The following DPYD variants were observed in gnomAD, a reference collection of about 807,000 sequenced individuals.
DPYD encodes dihydropyrimidine dehydrogenase [NADP(+)].
A neutral mutation model predicts 116.2 loss-of-function variants in DPYD; 109 were observed. That is an observed-to-expected ratio of 0.94 (90% confidence interval 0.80 to 1.10). The LOEUF (loss-of-function observed/expected upper bound fraction) is 1.10. Among genes scored for constraint, DPYD ranks in the 50% least tolerant of loss-of-function variants. The pLI, the probability that DPYD is intolerant of heterozygous loss-of-function variation, is 0.00. For missense variants in DPYD, 1,302 were observed against 1,254.5 expected (o/e 1.04, Z -0.57); for synonymous variants, 440 against 432.0 (o/e 1.02, Z -0.23).
chr1:97,902,029 GC>G (rs1235279488), intron 1 of DPYD, among the ~76,000 whole-genome samples: 1 of 151,644 alleles, frequency 6.6e-6, no homozygotes, highest in African/African-American at 2.4e-5. Flanking sequence ...CTGCTTATAT[GC>G]CTGTCTGCCC....
At chr1:97,853,768 C>G (rs1670678032) in intron 2 of DPYD, among the ~76,000 whole-genome samples, 1 of 152,156 alleles carries the variant, frequency 6.6e-6, no homozygotes, top group South Asian at 2.1e-4. Context: ...AGTGACTTGT[C>G]TAAGATTGCG....
intron 20 of DPYD, among the ~76,000 whole-genome samples, chr1:97,145,771 G>T (rs1424040552): frequency 1.5e-5 from 2 of 136,126 alleles, no homozygotes; most frequent in Middle Eastern, 3.6e-3. Flanking sequence ...GGCATTGTTT[G>T]ACTTTTTTTT....
At chr1:97,592,981 T>C (rs1654623712) in intron 10 of DPYD, among the ~76,000 whole-genome samples, 2 of 152,208 alleles carry the variant, frequency 1.3e-5, no homozygotes, top group Admixed American at 6.5e-5. Flanking sequence ...ATATTAACAC[T>C]AACAAGAAGC....
chr1:97,239,814 T>C (rs1662204968), intron 18 of DPYD, among the ~76,000 whole-genome samples: 1 of 152,076 alleles, frequency 6.6e-6, no homozygotes, highest in South Asian at 2.1e-4. Flanking sequence ...ATCTCAATTT[T>C]GTCATCTATA....
intron 20 of DPYD, among the ~76,000 whole-genome samples, chr1:97,179,200 G>A (rs1266673709): frequency 6.6e-6 from 1 of 152,054 alleles, no homozygotes; most frequent in Non-Finnish European, 1.5e-5. Flanking sequence ...GCCTTACTCT[G>A]TATCTCAATA....
intron 16 of DPYD, among the ~76,000 whole-genome samples, chr1:97,337,284 AAGG>A (rs1669342582): frequency 1.3e-5 from 2 of 152,314 alleles, no homozygotes; most frequent in African/African-American, 4.8e-5. Context: ...TTGTCTCCGA[AAGG>A]AGAAGTTCTT....
At chr1:97,180,714 A>C (rs1043941187) in intron 20 of DPYD, among the ~76,000 whole-genome samples, 1 of 152,164 alleles carries the variant, frequency 6.6e-6, no homozygotes, top group Admixed American at 6.6e-5. Context: ...TATATAATTA[A>C]ATAAGGTGCA....
intron 18 of DPYD, among the ~76,000 whole-genome samples, chr1:97,244,822 A>G (rs2100786250): frequency 6.6e-6 from 1 of 152,174 alleles, no homozygotes; most frequent in South Asian, 2.1e-4. Context: ...GAGGAAACGC[A>G]CAAATGGTTT....
chr1:97,313,497 C>CTG (rs58100703), intron 16 of DPYD, among the ~76,000 whole-genome samples: 14,998 of 148,222 alleles, frequency 0.1, 1,097 homozygotes, highest in African/African-American at 0.22. Context: ...ACATGTGTGC[C>CTG]TGTGTGTGTG....
At chr1:97,170,446 A>T (rs1487094123) in intron 20 of DPYD, among the ~76,000 whole-genome samples, 2 of 152,126 alleles carry the variant, frequency 1.3e-5, no homozygotes, top group Non-Finnish European at 2.9e-5. Flanking sequence ...GACTGAAGAG[A>T]CACAGAAGGC....
intron 18 of DPYD, among the ~76,000 whole-genome samples, chr1:97,237,171 G>A (rs1006594047): frequency 3.4e-5 from 5 of 149,026 alleles, no homozygotes; most frequent in African/African-American, 1.2e-4. Flanking sequence ...AACCCAGGAG[G>A]TGGAGGCTGC....
chr1:97,361,092 A>T (rs749998621), intron 16 of DPYD, among the ~76,000 whole-genome samples: 1 of 152,206 alleles, frequency 6.6e-6, no homozygotes, highest in Non-Finnish European at 1.5e-5. Context: ...AGAAGAATCA[A>T]ATAGACACAA....
intron 20 of DPYD, among the ~76,000 whole-genome samples, chr1:97,167,415 A>C (rs745659380): frequency 1.3e-5 from 2 of 152,156 alleles, no homozygotes; most frequent in Non-Finnish European, 2.9e-5. Context: ...TCAGTAAGCA[A>C]CTAATGAAAA....
At chr1:97,585,879 T>C (rs1467534908) in intron 10 of DPYD, 8 of 154,944 alleles carry the variant, frequency 5.2e-5, no homozygotes, top group South Asian at 2.0e-4. Context: ...TTCAACTCCT[T>C]TGTGACTTCT....
intron 18 of DPYD, among the ~76,000 whole-genome samples, chr1:97,290,178 G>T (rs1430386246): frequency 6.6e-6 from 1 of 152,056 alleles, no homozygotes; most frequent in Non-Finnish European, 1.5e-5. Flanking sequence ...CACTGCTCAA[G>T]GAAATTAAAG....
chr1:97,713,578 T>C (rs1662417065), intron 5 of DPYD, among the ~76,000 whole-genome samples: 1 of 152,154 alleles, frequency 6.6e-6, no homozygotes, highest in South Asian at 2.1e-4. Context: ...AGATATTTAG[T>C]GAATTCTATC....
At chr1:97,383,349 T>C (rs553799626) in intron 14 of DPYD, among the ~76,000 whole-genome samples, 2 of 151,688 alleles carry the variant, frequency 1.3e-5, no homozygotes, top group South Asian at 2.1e-4. Context: ...TGGTGGCGTG[T>C]GCCTGTAATT....
intron 20 of DPYD, among the ~76,000 whole-genome samples, chr1:97,185,202 G>C (rs928297774): frequency 6.6e-6 from 1 of 152,206 alleles, no homozygotes; most frequent in African/African-American, 2.4e-5. Context: ...CACAGAGTAA[G>C]ATACATGGAA....
At position 97,911,937 on chromosome 1, in the gene DPYD, A is replaced by G. The variant is rs114500154; in HGVS notation, c.39+8947T>C. ...CCCAGGGCAGAAAAAATTAGGAACC[A>G]TGCACGCTGTCAAGCCATTCTCCAG... On this transcript the variant is annotated intron_variant, in intron 1 of 22. Transcript: ENST00000370192. Among the ~76,000 whole-genome samples, 1,170 of 152,202 alleles carry G rather than the reference A, an allele frequency of 7.7e-3. 15 individuals are homozygous for G. The highest frequency in any genetic ancestry group is 0.027 in the African/African-American group (1,130 of 41,532).
Sources: allele counts gnomAD v4.1 joint callset (sites outside exome capture counted in the v4.1 genomes callset), GRCh38; gene constraint gnomAD v4.1.1; transcripts MANE v1.5; gene names NCBI Gene and HGNC (gene_info 2026-07-23, HGNC 2026-07-21).